The following PSG2 variants were observed in gnomAD, a reference collection of about 807,000 sequenced individuals.
The protein encoded by PSG2 is pregnancy-specific beta-1-glycoprotein 2.
In PSG2, 49 loss-of-function variants were observed where a neutral mutation model predicts 36.2. That is an observed-to-expected ratio of 1.35 (90% CI 1.08 to 1.72). The LOEUF (loss-of-function observed/expected upper bound fraction) is 1.72. Among genes scored for constraint, PSG2 ranks in the 40% most tolerant of loss-of-function variants. The pLI is 0.00. For synonymous variants in PSG2, 261 were observed against 155.6 expected (o/e 1.68, Z -5.04); for missense variants, 605 against 407.2 (o/e 1.49, Z -4.18).
intron 3 of PSG2, among the ~76,000 whole-genome samples, chr19:43,072,965 A>C (rs1967841015): frequency 6.6e-6 from 1 of 151,538 alleles, no homozygotes; most frequent in African/African-American, 2.4e-5. Flanking sequence ...TGGGTTCCTT[A>C]CCTGGAATGT....
chr19:43,072,702 G>C lies in PSG2; in HGVS notation c.710-748C>G, dbSNP rs189167556. The C allele has an allele frequency of 1.9e-6, 3 of 1,582,974 alleles. No individual in the cohort carries two copies. The East Asian group carries it at 6.7e-5, about 35-fold the overall frequency. ...CCTCCACAGGCATCCTTCAATCAGA[G>C]TTACCATCTCCCACCTCTCAGCCCA... On this transcript the variant is annotated intron_variant, in intron 3 of 5. Transcript: ENST00000406487.
In PSG2 at chr19:43,071,744, G is replaced by A; in HGVS notation, c.920C>T (p.Ala307Val). 7 of 1,612,972 alleles carry A rather than the reference G, an allele frequency of 4.3e-6. No homozygotes were observed. Among genetic ancestry groups the A allele is most frequent in the Non-Finnish European group, 5.9e-6 (7 of 1,179,458 alleles). ...GLYVCSVRNS[A>V]TGEESSTSLT... ...CGATGTGGAGCTTTCCTCGCCAGTG[G>A]CTGAGTTACGAACAGAGCAAACATA... Residue 307 changes from alanine (A) to valine (V), a missense_variant, in exon 4 of 6, where the codon GCC becomes GTC. By Grantham distance (64) the Ala-to-Val change is moderately conservative. Coordinates refer to ENST00000406487, the MANE Select transcript of PSG2 (RefSeq NM_031246.4).
At chr19:43,079,670 G>A (rs1469428900) in intron 2 of PSG2, among the ~76,000 whole-genome samples, 1 of 123,122 alleles carries the variant, frequency 8.1e-6, no homozygotes, top group Non-Finnish European at 1.9e-5. Flanking sequence ...GATCTGAGAG[G>A]GAGGCCTGCT....
intron 2 of PSG2, 76 bp downstream of exon 2, chr19:43,080,803 AGG>A (rs1967959992): frequency 1.2e-6 from 2 of 1,610,648 alleles, no homozygotes; most frequent in Non-Finnish European, 1.7e-6. Flanking sequence ...GGCACAGTCT[AGG>A]CCTGACAATC....
chr19:43,074,039 C>G (rs1280020498), intron 3 of PSG2, among the ~76,000 whole-genome samples: 1 of 151,508 alleles, frequency 6.6e-6, no homozygotes, highest in Non-Finnish European at 1.5e-5. Flanking sequence ...TCGGTCAATT[C>G]CATACTGGCC....
At position 43,079,918 on chromosome 19, in the gene PSG2, G is replaced by T. The variant is rs950064500; in HGVS notation, c.430+963C>A. ...GTGACCCTGATCTCCCCTTTGTGTT[G>T]GTGTGACTCTGGTTCAGTGACTGTG... On this transcript the variant is annotated intron_variant, in intron 2 of 5. Transcript: ENST00000406487. Among the ~76,000 whole-genome samples the T allele has an allele frequency of 3.4e-4, 51 of 151,652 alleles. 2 individuals are homozygous for T. Among genetic ancestry groups the T allele is most frequent in the African/African-American group, 1.1e-3 (44 of 41,118 alleles).
At position 43,066,523 on chromosome 19, in the gene PSG2, G is replaced by A; in HGVS notation, c.*34C>T. The A allele has an allele frequency of 6.4e-7, 1 of 1,562,278 alleles. No individual in the cohort carries two copies. Among genetic ancestry groups the A allele is most frequent in the South Asian group, 1.1e-5 (1 of 90,024 alleles). On this transcript the variant is annotated 3_prime_UTR_variant, in exon 5 of 6. Coordinates refer to ENST00000406487, the MANE Select transcript of PSG2 (RefSeq NM_031246.4). ...AGAGAAAAGGCCATCATACCTGCCA[G>A]TCTTCCTGAAATACAGAAATGACAT...
At chr19:43,077,539 A>G (rs1268118475) in intron 2 of PSG2, among the ~76,000 whole-genome samples, 2 of 151,680 alleles carry the variant, frequency 1.3e-5, no homozygotes, top group Non-Finnish European at 2.9e-5. Context: ...TGAGATGCCA[A>G]TGGCTCATGT....
chr19:43,079,340 G>C (rs1257407335), intron 2 of PSG2, among the ~76,000 whole-genome samples: 5 of 151,448 alleles, frequency 3.3e-5, no homozygotes, highest in Non-Finnish European at 5.9e-5. Flanking sequence ...ATGAGGTGGG[G>C]TTGCTTTAGG....
rs1176866878 is a variant in PSG2, at chr19:43,082,292, G to A, written c.64+214C>T. The A allele has an allele frequency of 1.0e-5, 7 of 683,264 alleles. No homozygotes were observed. In the Admixed American group the frequency reaches 1.6e-4, roughly 15 times the overall value. 42.3% of individuals were successfully genotyped at this position (683,264 alleles called of 1,614,324 possible). On this transcript the variant is annotated intron_variant, in intron 1 of 5. Coordinates refer to ENST00000406487, the MANE Select transcript of PSG2 (RefSeq NM_031246.4). ...AGTAGCTGGAATTACAGGAACACAC[G>A]ACAATACCTGGTTAATTTTTTGTAT...
At chr19:43,071,623 G>A in intron 4 of PSG2, 77 bp downstream of exon 4, 1 of 1,611,950 alleles carries the variant, frequency 6.2e-7, no homozygotes, top group Non-Finnish European at 8.5e-7. Context: ...GAATAAAAAT[G>A]TTTTCCTGAC....
intron 3 of PSG2, among the ~76,000 whole-genome samples, chr19:43,074,312 T>C (rs1967861145): frequency 6.6e-6 from 1 of 151,708 alleles, no homozygotes; most frequent in African/African-American, 2.4e-5. Flanking sequence ...CAATATTGAG[T>C]CTTCCAATCC....
rs1439762525 is a variant in PSG2 at position 43,081,111 on chromosome 19, C to A, written c.200G>T (p.Trp67Leu). 1.9e-6 allele frequency: 3 copies of A among 1,612,670 alleles called. No homozygotes were observed. Among genetic ancestry groups the A allele is most frequent in the Admixed American group, 3.3e-5 (2 of 59,896 alleles). Residue 67 changes from tryptophan to leucine, a missense_variant, in exon 2 of 6, where the codon TGG (tryptophan) becomes TTG (leucine). Trp to Leu is a moderately conservative substitution (Grantham distance 61). Coordinates refer to ENST00000406487, the MANE Select transcript of PSG2 (RefSeq NM_031246.4). ...GAGGTCCCTGATTTGCCCTTTGTAC[C>A]AGATGTAGCCAGTAAGATTCTGGGG... ...NLPQNLTGYI[W>L]YKGQIRDLYH...
At position 43,082,661 on chromosome 19, in the gene PSG2, CCTT is replaced by C; in HGVS notation, c.-95_-93del. 2 of 1,550,466 alleles carry C rather than the reference CCTT, an allele frequency of 1.3e-6. No homozygotes were observed. Among genetic ancestry groups the C allele is most frequent in the Non-Finnish European group, 1.8e-6 (2 of 1,137,636 alleles). ...GGCTGTCAGCTGTGCTGTCCTTCCT[CCTT>C]CTGCACTGAGCCTCTTCCTGGGGCA... On this transcript the variant is annotated 5_prime_UTR_variant, in exon 1 of 6. Transcript: ENST00000406487.
chr19:43,073,215 G>A (rs141317968), intron 3 of PSG2, among the ~76,000 whole-genome samples: 1 of 151,830 alleles, frequency 6.6e-6, no homozygotes, highest in South Asian at 2.1e-4. Context: ...GAGGCACAAG[G>A]TGGGGCAGCT....
rs1205057203 is a variant in PSG2, at chr19:43,075,364, C to G, written c.699G>C (p.Leu233=). Residue 233 remains leucine, a synonymous_variant, in exon 3 of 6, where the codon CTG becomes CTC. Coordinates refer to ENST00000406487, the MANE Select transcript of PSG2 (RefSeq NM_031246.4). ...GSASRSDPVT[L]NLLHGPDLPR... ...ACAGAAGATACTCACGGAGGAGATT[C>G]AGGGTGACTGGGTCACTGCGGCTGG... 2.5e-6 allele frequency: 4 copies of G among 1,612,988 alleles called. No individual in the cohort carries two copies. The African/African-American group carries it at 5.4e-5, about 22-fold the overall frequency.
chr19:43,066,781 G>A lies in PSG2; in HGVS notation c.965-181C>T, dbSNP rs143301653. On this transcript the variant is annotated intron_variant, in intron 4 of 5. Transcript: ENST00000406487. ...TGCAGTTTTTTTTCCCTCTCACCAT[G>A]TGTCTCGGTTGGTGATCAGTCCTCT... Among the ~76,000 whole-genome samples the A allele has an allele frequency of 6.6e-3, 1,007 of 151,688 alleles. 28 individuals are homozygous for A. Among genetic ancestry groups the A allele is most frequent in the African/African-American group, 0.023 (961 of 41,124 alleles).
chr19:43,072,570 C>A, intron 3 of PSG2: 1 of 1,611,382 alleles, frequency 6.2e-7, no homozygotes, highest in Non-Finnish European at 8.5e-7. Context: ...AAGGCTAATA[C>A]ATCCTTATTC....
Position 43,082,696 on chromosome 19 carries a change from A to C in PSG2, c.-127T>G, listed in dbSNP as rs891006442. 11 of 1,448,120 alleles carry C rather than the reference A, an allele frequency of 7.6e-6. No individual in the cohort carries two copies. In the African/African-American group the frequency reaches 1.3e-4, roughly 17 times the overall value. The allele number at this position is 1,448,120 out of a possible 1,614,324, so 89.7% of individuals were successfully genotyped here. ...TGAGCCTCTTCCTGGGGCAGCAGCAATTCCCAGGCTCATGGGTGGGGTCAG... is the reference window on the plus strand; with the variant it reads ...TGAGCCTCTTCCTGGGGCAGCAGCACTTCCCAGGCTCATGGGTGGGGTCAG... On this transcript the variant is annotated 5_prime_UTR_variant, in exon 1 of 6. Coordinates refer to ENST00000406487, the MANE Select transcript of PSG2 (RefSeq NM_031246.4).
Sources: allele counts gnomAD v4.1 joint callset (sites outside exome capture counted in the v4.1 genomes callset), GRCh38; gene constraint gnomAD v4.1.1; transcripts MANE v1.5; gene names NCBI Gene and HGNC (gene_info 2026-07-23, HGNC 2026-07-21).